CAV1: variants seen among roughly 807,000 people sequenced by gnomAD.
CAV1 encodes caveolin 1.
Under a neutral mutation model 16.5 loss-of-function variants are expected in CAV1, and 10 were observed. The observed-to-expected ratio is 0.61, with a 90% CI of 0.37 to 1.03. The LOEUF (loss-of-function observed/expected upper bound fraction) is 1.03. Among genes scored for constraint, CAV1 ranks in the 50% least tolerant of loss-of-function variants. The pLI is 0.01. For missense variants in CAV1, 212 were observed against 232.8 expected (o/e 0.91, Z 0.58); for synonymous variants, 76 against 85.1 (o/e 0.89, Z 0.59).
At position 116,533,632 on chromosome 7, in the gene CAV1, G is replaced by A. The variant is rs569973512; in HGVS notation, c.195+6943G>A. Among the ~76,000 whole-genome samples the A allele has an allele frequency of 2.6e-4, 40 of 152,154 alleles. 1 individual carries two copies. In the South Asian group the frequency reaches 7.9e-3, roughly 30 times the overall value. ...ATTCCCGGCTAATTGTTTTAGCCAGGATATAAATGCTGCCTACATAGAGTT... is the reference window on the plus strand; with the variant it reads ...ATTCCCGGCTAATTGTTTTAGCCAGAATATAAATGCTGCCTACATAGAGTT... On this transcript the variant is annotated intron_variant, in intron 2 of 2. Transcript: ENST00000341049.
intron 2 of CAV1, among the ~76,000 whole-genome samples, chr7:116,552,941 TAA>T (rs540691611): frequency 6.8e-4 from 104 of 152,352 alleles, no homozygotes; most frequent in African/African-American, 2.4e-3. Context: ...AGTGGGACTG[TAA>T]ATTTTGAGCA....
At chr7:116,551,115 G>A (rs1408200872) in intron 2 of CAV1, among the ~76,000 whole-genome samples, 2 of 152,132 alleles carry the variant, frequency 1.3e-5, no homozygotes, top group Non-Finnish European at 2.9e-5. Context: ...GGGCAATCCT[G>A]GTAAAAATAC....
intron 2 of CAV1, among the ~76,000 whole-genome samples, chr7:116,555,097 C>A (rs1413482322): frequency 1.3e-5 from 2 of 152,022 alleles, no homozygotes; most frequent in African/African-American, 4.8e-5. Flanking sequence ...AAATTCCCAG[C>A]CCTTATGTGC....
chr7:116,559,707 C>T lies in CAV1; in HGVS notation c.*420C>T, dbSNP rs1794367357. On this transcript the variant is annotated 3_prime_UTR_variant, in exon 3 of 3. Coordinates refer to ENST00000341049, the MANE Select transcript of CAV1 (RefSeq NM_001753.5). ...TAAGGGAAGAATTCCAGGGTATGGC[C>T]ATGGAGTGTACAAGTATGTGGGCAG... is the stretch of plus-strand genomic sequence containing the variant. The T allele has an allele frequency of 2.0e-6, 1 of 511,326 alleles. No homozygotes were observed. Among genetic ancestry groups the T allele is most frequent in the African/African-American group, 2.0e-5 (1 of 50,210 alleles). 31.7% of individuals were successfully genotyped at this position (511,326 alleles called of 1,614,324 possible).
At chr7:116,545,816 A>G (rs1267285002) in intron 2 of CAV1, among the ~76,000 whole-genome samples, 1 of 152,252 alleles carries the variant, frequency 6.6e-6, no homozygotes, top group Non-Finnish European at 1.5e-5. Context: ...TAGTGTGGCA[A>G]TCATTCAGAT....
rs150368249 is a variant in CAV1, at chr7:116,559,213, G to A, written c.463G>A (p.Val155Ile). 3.1e-4 allele frequency: 499 copies of A among 1,613,896 alleles called. 1 individual carries two copies. The highest frequency in any genetic ancestry group is 2.5e-3 in the Middle Eastern group (15 of 6,056). The stretch of plus-strand genomic sequence containing the variant: ...TGTCTATTCCATCTACGTCCACACC[G>A]TCTGTGACCCACTCTTTGAAGCTGT... ...SRVYSIYVHT[V>I]CDPLFEAVGK... Residue 155 changes from valine to isoleucine, a missense_variant, in exon 3 of 3, where the codon GTC becomes ATC. Coordinates refer to ENST00000341049, the MANE Select transcript of CAV1 (RefSeq NM_001753.5).
intron 1 of CAV1, 53 bp from the exon 2 acceptor site, chr7:116,526,472 C>A: frequency 6.2e-7 from 1 of 1,611,918 alleles, no homozygotes; most frequent in Non-Finnish European, 8.5e-7. Context: ...TTTTTCCTCC[C>A]ACCGCCGTTG....
At chr7:116,525,417 G>A in intron 1 of CAV1, 1 of 1,437,650 alleles carries the variant, frequency 7.0e-7, no homozygotes, top group Non-Finnish European at 9.2e-7. Context: ...CCTTGTCGCG[G>A]GACCCCCGCG....
In CAV1 at chr7:116,525,559, G is replaced by A. The variant is rs1793539851; in HGVS notation, c.30+467G>A. ...CCGGCAGGTCCCGCAGGCGGCGCGCGGTGTGTTTGCACTTTCCAAAGTTCT... is the reference window on the plus strand; with the variant it reads ...CCGGCAGGTCCCGCAGGCGGCGCGCAGTGTGTTTGCACTTTCCAAAGTTCT... On this transcript the variant is annotated intron_variant, in intron 1 of 2. Transcript: ENST00000341049. The A allele has an allele frequency of 2.1e-5, 26 of 1,215,394 alleles. No homozygotes were observed. The South Asian group carries it at 2.9e-4, about 14-fold the overall frequency. 75.3% of individuals were successfully genotyped at this position (1,215,394 alleles called of 1,614,324 possible).
At chr7:116,555,540 GAGAGAA>G (rs1382373920) in intron 2 of CAV1, among the ~76,000 whole-genome samples, 12 of 13,208 alleles carry the variant, frequency 9.1e-4, no homozygotes, top group Non-Finnish European at 1.4e-3. Flanking sequence ...GAGAGAGAGA[GAGAGAA>G]AGAAAGAAAG....
At chr7:116,536,625 A>G (rs1457033172) in intron 2 of CAV1, among the ~76,000 whole-genome samples, 1 of 152,222 alleles carries the variant, frequency 6.6e-6, no homozygotes, top group Non-Finnish European at 1.5e-5. Flanking sequence ...AGCAGAAGCC[A>G]GAGCAGCAGG....
intron 2 of CAV1, among the ~76,000 whole-genome samples, chr7:116,550,475 C>T (rs1367581959): frequency 1.3e-5 from 2 of 152,224 alleles, no homozygotes; most frequent in Non-Finnish European, 2.9e-5. Context: ...GCTGCAAGAG[C>T]ACTGCAGCCT....
At chr7:116,533,592 C>G (rs1016069801) in intron 2 of CAV1, among the ~76,000 whole-genome samples, 2 of 152,046 alleles carry the variant, frequency 1.3e-5, no homozygotes, top group Admixed American at 6.5e-5. Context: ...ACTGGGACCA[C>G]AGGGATGTGC....
At chr7:116,526,813 CA>C in intron 2 of CAV1, 124 bp downstream of exon 2, 2 of 1,089,246 alleles carry the variant, frequency 1.8e-6, no homozygotes, top group Non-Finnish European at 2.7e-6. Flanking sequence ...CGCACACACA[CA>C]CACACACAGA....
chr7:116,525,439 C>T, intron 1 of CAV1: 5 of 1,405,126 alleles, frequency 3.6e-6, no homozygotes, highest in Non-Finnish European at 4.7e-6. Flanking sequence ...TCCGGCCCTG[C>T]CTGCTGGGGG....
chr7:116,549,990 T>A (rs1194199514), intron 2 of CAV1, among the ~76,000 whole-genome samples: 1 of 152,134 alleles, frequency 6.6e-6, no homozygotes, highest in Non-Finnish European at 1.5e-5. Context: ...CAATTCTTAA[T>A]ATAAAAGTGA....
At chr7:116,533,739 T>C (rs1428267536) in intron 2 of CAV1, among the ~76,000 whole-genome samples, 4 of 152,248 alleles carry the variant, frequency 2.6e-5, no homozygotes, top group Non-Finnish European at 5.9e-5. Flanking sequence ...TACTGTCTGT[T>C]AAAATCTTCT....
At chr7:116,536,068 T>C (rs1473805932) in intron 2 of CAV1, among the ~76,000 whole-genome samples, 1 of 152,168 alleles carries the variant, frequency 6.6e-6, no homozygotes, top group Admixed American at 6.5e-5. Context: ...TGGCAGTGGG[T>C]CATCTCATGC....
chr7:116,526,073 C>T (rs1331573352), intron 1 of CAV1: 1 of 195,982 alleles, frequency 5.1e-6, no homozygotes, highest in South Asian at 1.7e-4. Flanking sequence ...TAATAGGGAC[C>T]GGGGACGGGA....
Sources: allele counts gnomAD v4.1 joint callset (sites outside exome capture counted in the v4.1 genomes callset), GRCh38; gene constraint gnomAD v4.1.1; transcripts MANE v1.5; gene names NCBI Gene and HGNC (gene_info 2026-07-23, HGNC 2026-07-21).